The following GRIK4 variants were observed in gnomAD, a reference collection of about 807,000 sequenced individuals.
The protein encoded by GRIK4 is glutamate ionotropic receptor kainate type subunit 4.
Under a neutral mutation model 104.9 loss-of-function variants are expected in GRIK4, and 40 were observed. The ratio of observed to expected loss-of-function variants is 0.38; its 90% CI spans 0.30 to 0.50. The LOEUF (loss-of-function observed/expected upper bound fraction) is 0.50, where lower values mean the gene tolerates loss of function less well. Among genes scored for constraint, GRIK4 ranks in the 20% least tolerant of loss-of-function variants. GRIK4 has a pLI of 0.93. For synonymous variants in GRIK4, 485 were observed against 524.9 expected (o/e 0.92, Z 1.04); for missense variants, 1,047 against 1,308.1 (o/e 0.80, Z 3.08).
In GRIK4 at chr11:120,549,830, T is replaced by C. The variant is rs1364814003; in HGVS notation, c.-159+37943T>C. On this transcript the variant is annotated intron_variant, in intron 1 of 20. Coordinates refer to ENST00000527524, the MANE Select transcript of GRIK4 (RefSeq NM_014619.5). This position sits in a 1 kb window ranked among gnomAD's most constrained non-coding sequence, Gnocchi z 4.7. ...CTGAACGGCCAGGCTGCTGCCAGTC[T>C]ATGCAGCCCCTTTGTGGCCCTTAGA... Among the ~76,000 whole-genome samples, 1 of 152,238 alleles carries C rather than the reference T, an allele frequency of 6.6e-6. No homozygotes were observed. Among genetic ancestry groups the C allele is most frequent in the Non-Finnish European group, 1.5e-5 (1 of 68,030 alleles).
chr11:120,805,932 G>A (rs1191902514), intron 4 of GRIK4, among the ~76,000 whole-genome samples: 1 of 152,168 alleles, frequency 6.6e-6, no homozygotes, highest in Non-Finnish European at 1.5e-5. Flanking sequence ...TCAGAGCATG[G>A]GTTTTAGAAC....
intron 1 of GRIK4, among the ~76,000 whole-genome samples, chr11:120,595,765 T>C (rs1226437681): frequency 6.6e-6 from 1 of 152,260 alleles, no homozygotes; most frequent in Non-Finnish European, 1.5e-5. Context: ...ATCCCTCTGC[T>C]GACCATGTGC....
intron 1 of GRIK4, among the ~76,000 whole-genome samples, chr11:120,652,603 C>G (rs1949635238): frequency 1.1e-5 from 1 of 92,472 alleles, no homozygotes; most frequent in African/African-American, 3.7e-5. Flanking sequence ...AAGTTCACAT[C>G]CATTTTTTTT....
At chr11:120,619,475 G>A (rs1949158240) in intron 1 of GRIK4, among the ~76,000 whole-genome samples, 1 of 152,202 alleles carries the variant, frequency 6.6e-6, no homozygotes, top group Non-Finnish European at 1.5e-5. Flanking sequence ...ATTTTCCAAT[G>A]TAAGAAGGAC....
rs1346125944 is a variant in GRIK4 at position 120,862,082 on chromosome 11, CAGG to C, written c.871_873del (p.Glu291del). On this transcript the variant is annotated inframe_deletion, in exon 9 of 21. Coordinates refer to ENST00000527524, the MANE Select transcript of GRIK4 (RefSeq NM_014619.5). ...TGCCCAGAGCCTCAACCAGTCCTGG[CAGG>C]AGAACTGTGACCATGTGCCCTTCAC... is the stretch of plus-strand genomic sequence containing the variant. 10 of 1,614,138 alleles carry C rather than the reference CAGG, an allele frequency of 6.2e-6. No individual in the cohort carries two copies. Among genetic ancestry groups the C allele is most frequent in the Non-Finnish European group, 8.5e-6 (10 of 1,179,970 alleles).
intron 19 of GRIK4, among the ~76,000 whole-genome samples, chr11:120,973,785 C>T (rs975211370): frequency 2.0e-5 from 3 of 152,320 alleles, no homozygotes; most frequent in South Asian, 2.1e-4. Flanking sequence ...TAGCCCGAAA[C>T]GGGAGGTGCC....
At chr11:120,713,381 G>A (rs1051425860) in intron 3 of GRIK4, among the ~76,000 whole-genome samples, 1 of 152,188 alleles carries the variant, frequency 6.6e-6, no homozygotes, top group African/African-American at 2.4e-5. Flanking sequence ...CCTGGCACCT[G>A]AAAAGCCCCC....
chr11:120,636,056 G>A (rs1199622729), intron 1 of GRIK4, among the ~76,000 whole-genome samples: 5 of 152,156 alleles, frequency 3.3e-5, no homozygotes, highest in Non-Finnish European at 5.9e-5. Context: ...GCTTTCCTTC[G>A]TTCAACGTTT....
rs148463264 is a variant in GRIK4 at position 120,661,227 on chromosome 11, G to T, written c.82+827G>T. 3.9e-3 allele frequency among the ~76,000 whole-genome samples: 587 copies of T among 152,256 alleles called. 7 individuals carry two copies. Among genetic ancestry groups the T allele is most frequent in the African/African-American group, 0.014 (562 of 41,538 alleles). On this transcript the variant is annotated intron_variant, in intron 3 of 20. Transcript: ENST00000527524. ...CAGATGTGGGGTGTCGGGGATCAGGGGTGTCTATGTGTACATCGGGGGATG... is the reference window on the plus strand; with the variant it reads ...CAGATGTGGGGTGTCGGGGATCAGGTGTGTCTATGTGTACATCGGGGGATG...
At chr11:120,518,032 G>A (rs1322077343) in intron 1 of GRIK4, among the ~76,000 whole-genome samples, 2 of 152,170 alleles carry the variant, frequency 1.3e-5, no homozygotes, top group East Asian at 3.9e-4. Flanking sequence ...GGTATTGGCC[G>A]GTTTCTGCTC....
At chr11:120,924,629 A>G (rs147429002) in intron 13 of GRIK4, among the ~76,000 whole-genome samples, 67 of 152,186 alleles carry the variant, frequency 4.4e-4, no homozygotes, top group Non-Finnish European at 8.5e-4. Flanking sequence ...CCCAAAGGTA[A>G]CCATTATTCC....
chr11:120,969,102 GAAT>G (rs1946618698), intron 19 of GRIK4, among the ~76,000 whole-genome samples: 1 of 152,178 alleles, frequency 6.6e-6, no homozygotes, highest in African/African-American at 2.4e-5. Context: ...ACACTCCTGG[GAAT>G]AAGAAAGCTC....
intron 11 of GRIK4, among the ~76,000 whole-genome samples, chr11:120,884,482 G>A (rs547442613): frequency 1.3e-5 from 2 of 152,338 alleles, no homozygotes; most frequent in South Asian, 2.1e-4. Flanking sequence ...CCAGCCAGGC[G>A]GGGTGCACAC....
Position 120,819,686 on chromosome 11 carries a change from C to G in GRIK4, c.346-69C>G. On this transcript the variant is annotated intron_variant, in intron 5 of 20. Coordinates refer to ENST00000527524, the MANE Select transcript of GRIK4 (RefSeq NM_014619.5). This position sits in a 1 kb window ranked among gnomAD's most constrained non-coding sequence, Gnocchi z 4.3. The stretch of plus-strand genomic sequence containing the variant: ...ACTCACCCTCCACAACCTCAGCTCA[C>G]TCATCCCTCTTTCTTCCTTTTCACC... 1 of 1,454,066 alleles carries G rather than the reference C, an allele frequency of 6.9e-7. No homozygotes were observed. Among genetic ancestry groups the G allele is most frequent in the South Asian group, 1.2e-5 (1 of 86,474 alleles). The allele number at this position is 1,454,066 out of a possible 1,614,324, so 90.1% of individuals were successfully genotyped here.
chr11:120,740,987 A>G (rs1249011870), intron 3 of GRIK4, among the ~76,000 whole-genome samples: 1 of 152,144 alleles, frequency 6.6e-6, no homozygotes, highest in Non-Finnish European at 1.5e-5. Context: ...CCAGGGACCT[A>G]AGGGAGGAGG....
At chr11:120,675,951 A>T (rs768117326) in intron 3 of GRIK4, among the ~76,000 whole-genome samples, 7 of 152,226 alleles carry the variant, frequency 4.6e-5, no homozygotes, top group Non-Finnish European at 7.3e-5. Flanking sequence ...TACAGCCTGT[A>T]GGTCAGAAGT....
intron 4 of GRIK4, among the ~76,000 whole-genome samples, chr11:120,806,120 A>G (rs73578591): frequency 6.6e-6 from 1 of 152,078 alleles, no homozygotes; most frequent in Non-Finnish European, 1.5e-5. Context: ...ACATAGCAGG[A>G]CTTCAGGAAG....
chr11:120,599,591 A>G (rs560194308), intron 1 of GRIK4, among the ~76,000 whole-genome samples: 21 of 152,342 alleles, frequency 1.4e-4, no homozygotes, highest in African/African-American at 4.6e-4. Flanking sequence ...CTGCTACTGT[A>G]TTCTCAGCCC....
chr11:120,783,771 C>G (rs1411701055), intron 3 of GRIK4, among the ~76,000 whole-genome samples: 2 of 152,168 alleles, frequency 1.3e-5, no homozygotes, highest in Non-Finnish European at 2.9e-5. Flanking sequence ...GAAATTCATG[C>G]AGACAGCATG....
Sources: allele counts gnomAD v4.1 joint callset (sites outside exome capture counted in the v4.1 genomes callset), GRCh38; gene constraint gnomAD v4.1.1; non-coding constraint Gnocchi (gnomAD v3.1); transcripts MANE v1.5; gene names NCBI Gene and HGNC (gene_info 2026-07-23, HGNC 2026-07-21).